CUX1: variants seen among roughly 807,000 people sequenced by gnomAD.
The protein encoded by CUX1 is protein CASP.
CUX1 carries 31 observed loss-of-function variants against 158.8 expected under a neutral mutation model. The observed-to-expected ratio is 0.20, with a 90% CI of 0.15 to 0.26. CUX1 has a LOEUF of 0.26. CUX1 is among the 10% of genes least tolerant of loss of function. The probability of loss-of-function intolerance (pLI) is 1.00; values close to 1 mark genes in which losing one functional copy is unlikely to be tolerated. For synonymous variants in CUX1, 879 were observed against 862.1 expected, an observed-to-expected ratio of 1.02 and a Z score of -0.34; for missense variants, 1,589 against 2,014.6, an observed-to-expected ratio of 0.79 and a Z score of 4.04.
intron 8 of CUX1, among the ~76,000 whole-genome samples, chr7:102,156,920 C>A (rs1563323546): frequency 6.6e-6 from 1 of 152,200 alleles, no homozygotes; most frequent in African/African-American, 2.4e-5. Flanking sequence ...AAAACTCAAA[C>A]CTGGAAACTA....
At chr7:102,205,022 G>T (rs1242242866) in intron 19 of CUX1, 92 bp from the exon 20 acceptor site, 4 of 910,510 alleles carry the variant, frequency 4.4e-6, no homozygotes, top group Admixed American at 2.0e-5. Flanking sequence ...AGGAGGAATG[G>T]GAAGCCTCCC....
chr7:102,232,683 CCT>C (rs143130458), intron 21 of CUX1, among the ~76,000 whole-genome samples: 1,913 of 152,262 alleles, frequency 0.013, 18 homozygotes, highest in Non-Finnish European at 0.016. Context: ...GCGGAATGGC[CCT>C]CAGAGAAGTG....
intron 1 of CUX1, among the ~76,000 whole-genome samples, chr7:101,829,954 T>TA (rs1187165789): frequency 6.6e-6 from 1 of 151,918 alleles, no homozygotes; most frequent in Non-Finnish European, 1.5e-5. Flanking sequence ...GGGGAACTGT[T>TA]AGGAGAGAGG....
At chr7:101,838,152 C>T (rs1794836626) in intron 1 of CUX1, among the ~76,000 whole-genome samples, 1 of 149,760 alleles carries the variant, frequency 6.7e-6, no homozygotes, top group Non-Finnish European at 1.5e-5. Flanking sequence ...TTAAATGACA[C>T]AGAGTCTCGC....
At chr7:102,151,159 C>T (rs1193994398) in intron 8 of CUX1, among the ~76,000 whole-genome samples, 3 of 152,142 alleles carry the variant, frequency 2.0e-5, no homozygotes, top group African/African-American at 7.2e-5. Flanking sequence ...GTGGTATTAA[C>T]CCCTGGGCAT....
At chr7:102,033,767 G>A (rs755978527) in intron 3 of CUX1, among the ~76,000 whole-genome samples, 2 of 152,076 alleles carry the variant, frequency 1.3e-5, no homozygotes, top group African/African-American at 2.4e-5. Context: ...TAGAAAGAGC[G>A]AGCACTTCTT....
At chr7:101,826,879 GCCTTGTGTGT>G (rs1793364555) in intron 1 of CUX1, among the ~76,000 whole-genome samples, 1 of 152,118 alleles carries the variant, frequency 6.6e-6, no homozygotes, top group Non-Finnish European at 1.5e-5. Context: ...CCCACTCTCT[GCCTTGTGTGT>G]CCGATTTAGG....
rs988765509 is a variant in CUX1, at chr7:102,158,471, C to T, written c.675-89C>T. On this transcript the variant is annotated intron_variant, in intron 8 of 23. Coordinates refer to ENST00000292535, the MANE Select transcript of CUX1 (RefSeq NM_181552.4). ...ACTCACGGGTCTGCACAGCCCTTCC[C>T]GAGCCCTGAGCTAGGAAGCTGTCCC... is the stretch of plus-strand genomic sequence containing the variant. 9.2e-5 allele frequency: 127 copies of T among 1,373,622 alleles called. 2 individuals carry two copies. The East Asian group carries it at 1.2e-3, about 13-fold the overall frequency. 85.1% of individuals were successfully genotyped at this position (1,373,622 alleles called of 1,614,324 possible).
At chr7:102,002,405 C>G (rs1367874678) in intron 2 of CUX1, among the ~76,000 whole-genome samples, 1 of 152,246 alleles carries the variant, frequency 6.6e-6, no homozygotes, top group Non-Finnish European at 1.5e-5. Context: ...TCACTCCCTT[C>G]TTGCGTGGAT....
chr7:102,106,664 TTATGAGTACAAAA>T (rs1461713225), intron 6 of CUX1, among the ~76,000 whole-genome samples: 2 of 152,172 alleles, frequency 1.3e-5, no homozygotes, highest in South Asian at 2.1e-4. Flanking sequence ...TGAGTACAGA[TTATGAGTACAAAA>T]TATGAGTACA....
At chr7:102,029,551 C>T (rs756762615) in intron 3 of CUX1, among the ~76,000 whole-genome samples, 1 of 151,974 alleles carries the variant, frequency 6.6e-6, no homozygotes, top group Non-Finnish European at 1.5e-5. Flanking sequence ...GAGGCCAGGG[C>T]GATTGTAGCC....
Position 102,251,262 on chromosome 7 carries a change from G to A in CUX1, c.*2220G>A. On this transcript the variant is annotated 3_prime_UTR_variant, in exon 24 of 24. Transcript: ENST00000292535. ...TTTTTTATTTGGGGGGTGGGAGGGA[G>A]TTATAATTTTAAAGGTATGCTCTGG... The A allele has an allele frequency of 1.0e-6, 1 of 981,114 alleles. No individual in the cohort carries two copies. The highest frequency in any genetic ancestry group is 1.2e-6 in the Non-Finnish European group (1 of 826,264). 60.8% of individuals were successfully genotyped at this position (981,114 alleles called of 1,614,324 possible).
chr7:102,127,592 C>A (rs1832781226), intron 8 of CUX1, among the ~76,000 whole-genome samples: 1 of 148,100 alleles, frequency 6.8e-6, no homozygotes, highest in South Asian at 2.1e-4. Flanking sequence ...TTTTTTTTTA[C>A]CTGACATGTT....
At chr7:102,198,923 C>T in intron 16 of CUX1, 56 bp downstream of exon 16, 1 of 1,488,826 alleles carries the variant, frequency 6.7e-7, no homozygotes, top group Non-Finnish European at 9.4e-7. Context: ...AGCAGCATGT[C>T]CTTAGCTGTG....
rs58990888 is a variant in CUX1 at position 102,065,789 on chromosome 7, G to GT, written c.190-4540dup. On this transcript the variant is annotated intron_variant, in intron 3 of 23. Transcript: ENST00000292535. ...AAATGACATGGATACACGTGGAGTG[G>GT]TTTTTTTTTTGTTTTGTTCTGAGAT... Among the ~76,000 whole-genome samples the GT allele has an allele frequency of 4.3e-3, 641 of 148,898 alleles. 5 individuals are homozygous for GT. The highest frequency in any genetic ancestry group is 0.014 in the African/African-American group (582 of 40,730).
At chr7:102,270,465 G>A (rs1413544290) in intron 14 of CUX1, among the ~76,000 whole-genome samples, 1 of 152,162 alleles carries the variant, frequency 6.6e-6, no homozygotes, top group East Asian at 1.9e-4. Flanking sequence ...CCTGTCCCCT[G>A]CAGCCTCCAG....
At chr7:101,843,145 C>T (rs762998799) in intron 1 of CUX1, among the ~76,000 whole-genome samples, 22 of 151,934 alleles carry the variant, frequency 1.4e-4, no homozygotes, top group Admixed American at 2.6e-4. Flanking sequence ...GGATTACAGG[C>T]GTGAGCCACC....
intron 1 of CUX1, among the ~76,000 whole-genome samples, chr7:101,829,724 G>A (rs147088533): frequency 0.014 from 2,083 of 152,148 alleles, 22 homozygotes; most frequent in South Asian, 0.029. Context: ...TCTCAGGGAC[G>A]CCTGGCTGGA....
chr7:102,061,607 TG>T (rs1220722877), intron 3 of CUX1, among the ~76,000 whole-genome samples: 2 of 152,250 alleles, frequency 1.3e-5, no homozygotes, highest in East Asian at 3.9e-4. Context: ...ATGTTGGAGC[TG>T]GAAATCAAAC....
Sources: allele counts gnomAD v4.1 joint callset (sites outside exome capture counted in the v4.1 genomes callset), GRCh38; gene constraint gnomAD v4.1.1; transcripts MANE v1.5; gene names NCBI Gene and HGNC (gene_info 2026-07-23, HGNC 2026-07-21).